PPP2R3B: variants seen among roughly 807,000 people sequenced by gnomAD.
PPP2R3B encodes the protein serine/threonine-protein phosphatase 2A regulatory subunit B'' subunit beta.
PPP2R3B carries 68 observed loss-of-function variants against 72.9 expected under a neutral mutation model. The ratio of observed to expected loss-of-function variants is 0.93; its 90% confidence interval spans 0.77 to 1.14. The LOEUF (loss-of-function observed/expected upper bound fraction) is 1.14, where lower values mean the gene tolerates loss of function less well. Ranked by LOEUF, PPP2R3B falls within the 50% of genes most tolerant of loss-of-function variation. The pLI, the probability that PPP2R3B is intolerant of heterozygous loss-of-function variation, is 0.00. For missense variants in PPP2R3B, 1,018 were observed against 842.0 expected, an observed-to-expected ratio of 1.21 and a Z score of -2.59; for synonymous variants, 466 against 375.8, an observed-to-expected ratio of 1.24 and a Z score of -2.78.
intron 1 of PPP2R3B, among the ~76,000 whole-genome samples, chrX:364,532 A>G (rs1384656345): frequency 1.3e-5 from 2 of 151,166 alleles, no homozygotes; most frequent in Non-Finnish European, 3.0e-5. Flanking sequence ...AAAAAAAAAA[A>G]AACAGAAAAC....
intron 7 of PPP2R3B, chrX:345,119 G>C (rs1159606184): frequency 6.2e-5 from 30 of 485,946 alleles, no homozygotes; most frequent in Non-Finnish European, 1.2e-4. Context: ...CACCTAGCCC[G>C]GGATTGGATG....
chrX:364,294 G>C (rs1214348183), intron 1 of PPP2R3B, among the ~76,000 whole-genome samples: 1 of 152,118 alleles, frequency 6.6e-6, no homozygotes, highest in Non-Finnish European at 1.5e-5. Flanking sequence ...CTGGGCAGGG[G>C]GGAGTTCTCC....
intron 1 of PPP2R3B, among the ~76,000 whole-genome samples, chrX:371,406 C>G (rs1603119266): frequency 6.6e-6 from 1 of 152,096 alleles, no homozygotes; most frequent in Admixed American, 6.5e-5. Flanking sequence ...TTTGGTTTGT[C>G]AAGGATGCCG....
intron 1 of PPP2R3B, among the ~76,000 whole-genome samples, chrX:385,313 T>C (rs193045025): frequency 5.4e-4 from 79 of 147,444 alleles, no homozygotes; most frequent in African/African-American, 1.5e-3. Flanking sequence ...TGCTTGTTTT[T>C]AGTTTTCTTT....
Position 386,527 on chromosome X carries a change from GGGCTGCTCCCCGTCCCCCGGGGTC to G in PPP2R3B, c.141_164del (p.Thr48_Pro55del). The G allele has an allele frequency of 7.0e-7, 1 of 1,425,524 alleles. No individual in the cohort carries two copies. Among genetic ancestry groups the G allele is most frequent in the Non-Finnish European group, 9.2e-7 (1 of 1,085,822 alleles). 88.3% of individuals were successfully genotyped at this position (1,425,524 alleles called of 1,614,324 possible). A position where few individuals can be genotyped will look rare whatever the true frequency, so the allele number is the denominator to read the frequency against. ...CGAGCGGGGCTGTGGGCCAGGCCCC[GGGCTGCTCCCCGTCCCCCGGGGTC>G]GGCTGGTCCCGCCCGGGCGCCTTGA... On this transcript the variant is annotated inframe_deletion, in exon 1 of 13. Coordinates refer to ENST00000390665, the MANE Select transcript of PPP2R3B (RefSeq NM_013239.5).
intron 1 of PPP2R3B, among the ~76,000 whole-genome samples, chrX:366,458 A>G (rs867973470): frequency 0.019 from 87 of 4,654 alleles, 34 homozygotes; most frequent in African/African-American, 0.025. Context: ...GCTTCAACAC[A>G]GGAGGCGGAG....
chrX:372,849 AC>A (rs1172455964), intron 1 of PPP2R3B, among the ~76,000 whole-genome samples: 2 of 152,116 alleles, frequency 1.3e-5, no homozygotes, highest in African/African-American at 4.8e-5. Flanking sequence ...AATCACTTGA[AC>A]CCAGGAGGTG....
intron 2 of PPP2R3B, among the ~76,000 whole-genome samples, chrX:358,026 C>A (rs983243163): frequency 3.3e-5 from 5 of 152,214 alleles, no homozygotes; most frequent in African/African-American, 1.2e-4. Context: ...CAAGCAGCCG[C>A]CGGCCAAAGT....
intron 2 of PPP2R3B, among the ~76,000 whole-genome samples, chrX:351,232 G>A (rs1303149121): frequency 2.0e-5 from 3 of 152,188 alleles, no homozygotes; most frequent in Admixed American, 2.0e-4. Flanking sequence ...GGGCGTCCCG[G>A]TGCGGTGGGA....
intron 6 of PPP2R3B, 101 bp from the exon 7 acceptor site, chrX:345,773 C>T (rs1284848264): frequency 1.5e-6 from 1 of 677,616 alleles, no homozygotes; most frequent in Non-Finnish European, 2.3e-6. Flanking sequence ...GGGTCGGGGC[C>T]GCTCCGTGGG....
chrX:350,137 A>C (rs2071298199), intron 2 of PPP2R3B, among the ~76,000 whole-genome samples: 2 of 152,244 alleles, frequency 1.3e-5, no homozygotes, highest in Non-Finnish European at 2.9e-5. Flanking sequence ...AGACTCAGTC[A>C]GTCTCTGTCG....
intron 2 of PPP2R3B, among the ~76,000 whole-genome samples, chrX:351,423 G>T (rs150442127): frequency 2.6e-5 from 4 of 152,322 alleles, no homozygotes; most frequent in East Asian, 3.9e-4. Context: ...AAGACACACC[G>T]TCATGACCCG....
intron 4 of PPP2R3B, 122 bp downstream of exon 4, chrX:347,112 G>T: frequency 8.2e-7 from 1 of 1,215,926 alleles, no homozygotes. Flanking sequence ...CGGTGTAGAC[G>T]CGGACCCTCC....
In PPP2R3B at chrX:346,041, A is replaced by AGGTGGG. The variant is rs1207199896; in HGVS notation, c.879+127_879+132dup. On this transcript the variant is annotated intron_variant, in intron 6 of 12. Coordinates refer to ENST00000390665, the MANE Select transcript of PPP2R3B (RefSeq NM_013239.5). ...TGGGGGTGGGCTGGGAGCGCGGTGG[A>AGGTGGG]GGTGGGGGTGGGGGTGGGGGTGGGA... is the stretch of plus-strand genomic sequence containing the variant. 5.0e-3 allele frequency: 2,333 copies of AGGTGGG among 465,446 alleles called. 22 individuals are homozygous for AGGTGGG. The highest frequency in any genetic ancestry group is 0.015 in the South Asian group (735 of 50,270). The allele number at this position is 465,446 out of a possible 1,614,324, so 28.8% of individuals were successfully genotyped here. A position where few individuals can be genotyped will look rare whatever the true frequency, so the allele number is the denominator to read the frequency against.
At chrX:381,746 C>G (rs2072130787) in intron 1 of PPP2R3B, among the ~76,000 whole-genome samples, 1 of 151,726 alleles carries the variant, frequency 6.6e-6, no homozygotes, top group African/African-American at 2.4e-5. Flanking sequence ...CTACAGGCAC[C>G]CGCCACCACG....
At chrX:346,313 C>T in intron 5 of PPP2R3B, 53 bp from the exon 6 acceptor site, 2 of 1,511,752 alleles carry the variant, frequency 1.3e-6, no homozygotes, top group Non-Finnish European at 1.8e-6. Flanking sequence ...AGGAGCCTCG[C>T]CCCGCACGGA....
chrX:340,831 T>C lies in PPP2R3B; in HGVS notation c.1285A>G (p.Ile429Val). The change falls in exon 10 of 13, where the codon ATC (isoleucine) becomes GTC (valine). Residue 429 changes from isoleucine (I) to valine (V), a missense_variant. Transcript: ENST00000390665. ...EQCRRLDSMA[I>V]EALPFQDCLC... is the part of the protein sequence containing the mutation. ...CAGTCCTGGAAGGGCAGGGCCTCGA[T>C]GGCCATGCTGTCCAGCCTTCGGCAC... 1 of 1,611,266 alleles carries C rather than the reference T, an allele frequency of 6.2e-7. No homozygotes were observed. Among genetic ancestry groups the C allele is most frequent in the Non-Finnish European group, 8.5e-7 (1 of 1,179,554 alleles).
chrX:380,979 C>T (rs1236015872), intron 1 of PPP2R3B, among the ~76,000 whole-genome samples: 3 of 151,340 alleles, frequency 2.0e-5, no homozygotes, highest in Non-Finnish European at 2.9e-5. Flanking sequence ...TTTGTTGCCC[C>T]GGCGGGAGTG....
Position 386,718 on chromosome X carries a change from C to A in PPP2R3B, c.-27G>T, listed in dbSNP as rs749857828. The A allele has an allele frequency of 2.5e-6, 3 of 1,223,112 alleles. No homozygotes were observed. Among genetic ancestry groups the A allele is most frequent in the South Asian group, 7.1e-5 (2 of 28,330 alleles). The allele number at this position is 1,223,112 out of a possible 1,614,324, so 75.8% of individuals were successfully genotyped here. On this transcript the variant is annotated 5_prime_UTR_variant, in exon 1 of 13. Transcript: ENST00000390665. Reference sequence around the variant, plus strand: ...GCGGGGGCTGGGCCCGCGGCGCCCCCGGACGCCCGCGCCCCGCCCCGCCCC... The same window carrying A: ...GCGGGGGCTGGGCCCGCGGCGCCCCAGGACGCCCGCGCCCCGCCCCGCCCC...
Sources: gnomAD v4.1 joint callset for allele counts (sites outside exome capture counted in the v4.1 genomes callset) on GRCh38, gnomAD v4.1.1 for gene constraint, MANE v1.5 for transcripts, NCBI Gene and HGNC (gene_info 2026-07-23, HGNC 2026-07-21) for gene names.